The following ZFHX3 variants were observed in gnomAD, a reference collection of about 807,000 sequenced individuals.
The protein encoded by ZFHX3 is zinc finger homeobox protein 3.
Under a neutral mutation model 279.1 loss-of-function variants are expected in ZFHX3, and 42 were observed. That is an observed-to-expected ratio of 0.15 (90% CI 0.12 to 0.19). ZFHX3 has a LOEUF of 0.19. Ranked by LOEUF, ZFHX3 falls within the 10% of genes least tolerant of loss-of-function variation. The probability of loss-of-function intolerance (pLI) is 1.00; values close to 1 mark genes in which losing one functional copy is unlikely to be tolerated. For synonymous variants in ZFHX3, 2,293 were observed against 1,957.8 expected (o/e 1.17, Z -4.52); for missense variants, 4,981 against 4,754.0 (o/e 1.05, Z -1.40).
chr16:73,140,323 C>T (rs1246642994), intron 6 of ZFHX3, among the ~76,000 whole-genome samples: 1 of 152,028 alleles, frequency 6.6e-6, no homozygotes. Flanking sequence ...TAAAACCATC[C>T]GTATCTTGTG....
At chr16:73,032,485 C>G (rs764631097) in intron 1 of ZFHX3, among the ~76,000 whole-genome samples, 3 of 152,074 alleles carry the variant, frequency 2.0e-5, no homozygotes, top group African/African-American at 7.2e-5. Context: ...GATTTCTCAA[C>G]GCCATAGTCA....
chr16:72,972,559 T>C (rs530607231), intron 1 of ZFHX3, among the ~76,000 whole-genome samples: 77 of 152,284 alleles, frequency 5.1e-4, no homozygotes, highest in African/African-American at 1.7e-3. Context: ...AAAATACATA[T>C]GGATGTCAAG....
chr16:73,854,159 C>G (rs949631928), intron 1 of ZFHX3, among the ~76,000 whole-genome samples: 1 of 152,130 alleles, frequency 6.6e-6, no homozygotes, highest in Admixed American at 6.5e-5. Context: ...TCAGGGCAAA[C>G]CTACTTATAA....
chr16:73,460,141 C>A (rs1466374864), intron 2 of ZFHX3, among the ~76,000 whole-genome samples: 1 of 152,194 alleles, frequency 6.6e-6, no homozygotes, highest in African/African-American at 2.4e-5. Flanking sequence ...CTCCTTAACC[C>A]TTGGCAACTA....
At chr16:73,376,843 C>A (rs1407644422) in intron 3 of ZFHX3, among the ~76,000 whole-genome samples, 1 of 152,160 alleles carries the variant, frequency 6.6e-6, no homozygotes, top group Non-Finnish European at 1.5e-5. Flanking sequence ...AGAGTTGCTC[C>A]ATGATCTAAG....
chr16:73,398,414 G>A (rs535267414), intron 3 of ZFHX3, among the ~76,000 whole-genome samples: 5 of 152,216 alleles, frequency 3.3e-5, no homozygotes, highest in African/African-American at 4.8e-5. Context: ...GGAAGAGCCC[G>A]CACTGTTGGT....
At chr16:73,193,804 C>T (rs1445450885) in intron 5 of ZFHX3, among the ~76,000 whole-genome samples, 5 of 152,210 alleles carry the variant, frequency 3.3e-5, no homozygotes, top group African/African-American at 1.2e-4. Context: ...GTTTCAGCAT[C>T]CTCAGCTGTA....
chr16:72,910,485 A>G (rs1039150602), intron 3 of ZFHX3, among the ~76,000 whole-genome samples: 1 of 152,250 alleles, frequency 6.6e-6, no homozygotes, highest in Non-Finnish European at 1.5e-5. Context: ...TGTTTTCTCA[A>G]TAACATCATC....
chr16:73,044,252 A>G (rs751822584), intron 1 of ZFHX3, among the ~76,000 whole-genome samples: 2 of 152,098 alleles, frequency 1.3e-5, no homozygotes, highest in African/African-American at 4.8e-5. Flanking sequence ...GGATACCCCT[A>G]TGAGGTTCAC....
intron 3 of ZFHX3, among the ~76,000 whole-genome samples, chr16:73,320,115 A>T (rs1430656052): frequency 6.6e-6 from 1 of 152,204 alleles, no homozygotes; most frequent in Admixed American, 6.5e-5. Flanking sequence ...AACCGCAGGG[A>T]TGCAATCACT....
intron 2 of ZFHX3, among the ~76,000 whole-genome samples, chr16:73,474,825 C>T (rs1023571715): frequency 1.3e-5 from 2 of 152,138 alleles, no homozygotes; most frequent in African/African-American, 2.4e-5. Context: ...TTGGTTATGT[C>T]GATTAACCTA....
chr16:73,512,253 C>T (rs1394602040), intron 2 of ZFHX3, among the ~76,000 whole-genome samples: 1 of 130,758 alleles, frequency 7.6e-6, no homozygotes, highest in East Asian at 2.3e-4. Context: ...CATGGTGAAA[C>T]CCTGTCTCCA....
intron 1 of ZFHX3, among the ~76,000 whole-genome samples, chr16:73,023,598 C>A (rs1189789009): frequency 2.0e-5 from 3 of 152,238 alleles, no homozygotes; most frequent in Non-Finnish European, 2.9e-5. Flanking sequence ...GCAGGTCACA[C>A]ACCTAGGAGC....
At chr16:72,952,379 G>C (rs547967719) in intron 2 of ZFHX3, among the ~76,000 whole-genome samples, 144 of 152,254 alleles carry the variant, frequency 9.5e-4, no homozygotes, top group African/African-American at 3.3e-3. Context: ...TCTCTTTCCT[G>C]ATCCTCTGCC....
At chr16:73,664,181 G>A (rs1269939236) in intron 2 of ZFHX3, among the ~76,000 whole-genome samples, 1 of 152,000 alleles carries the variant, frequency 6.6e-6, no homozygotes, top group East Asian at 1.9e-4. Context: ...CACCTAGGAG[G>A]GCAACGTAAC....
rs544218436 is a variant in ZFHX3, at chr16:73,279,584, C to T, written c.-1193-22448G>A. The stretch of plus-strand genomic sequence containing the variant: ...TCTTTTGTCTGTACATTTCTCATGT[C>T]TTACATGGCATTGTAAAGGCAATCC... On this transcript the variant is annotated intron_variant, in intron 4 of 17. Coordinates refer to the ZFHX3 transcript ENST00000641206. Among the ~76,000 whole-genome samples the T allele has an allele frequency of 2.3e-4, 35 of 152,126 alleles. 1 individual carries two copies. The highest frequency in any genetic ancestry group is 5.0e-4 in the Non-Finnish European group (34 of 68,010).
chr16:73,228,075 C>T (rs1022738753), intron 5 of ZFHX3, among the ~76,000 whole-genome samples: 1 of 152,060 alleles, frequency 6.6e-6, no homozygotes, highest in Non-Finnish European at 1.5e-5. Context: ...GACTTTAGCA[C>T]GTAGTGCCAT....
At chr16:73,298,835 AGTGAT>A (rs2014987950) in intron 4 of ZFHX3, among the ~76,000 whole-genome samples, 1 of 152,210 alleles carries the variant, frequency 6.6e-6, no homozygotes, top group Non-Finnish European at 1.5e-5. Context: ...CGTTACTGAT[AGTGAT>A]GCCTGACGTA....
At chr16:73,447,924 G>A (rs1001897494) in intron 3 of ZFHX3, among the ~76,000 whole-genome samples, 11 of 152,164 alleles carry the variant, frequency 7.2e-5, no homozygotes, top group African/African-American at 2.4e-4. Flanking sequence ...CACCTTAAAA[G>A]CATTGAGGAG....
Sources: allele counts gnomAD v4.1 joint callset (sites outside exome capture counted in the v4.1 genomes callset), GRCh38; gene constraint gnomAD v4.1.1; transcripts MANE v1.5; gene names NCBI Gene and HGNC (gene_info 2026-07-23, HGNC 2026-07-21).